ACSS3: variants seen among roughly 807,000 people sequenced by gnomAD.
ACSS3 encodes the protein acyl-CoA synthetase short chain family member 3.
Under a neutral mutation model 84.2 loss-of-function variants are expected in ACSS3, and 64 were observed. The ratio of observed to expected loss-of-function variants is 0.76; its 90% confidence interval spans 0.62 to 0.94. The LOEUF (loss-of-function observed/expected upper bound fraction) is 0.94. Ranked by LOEUF, ACSS3 falls within the 40% of genes least tolerant of loss-of-function variation. The pLI is 0.00. For synonymous variants in ACSS3, 317 were observed against 310.1 expected (o/e 1.02, Z -0.23); for missense variants, 815 against 867.6 (o/e 0.94, Z 0.76).
intron 10 of ACSS3, among the ~76,000 whole-genome samples, chr12:81,218,473 T>A (rs2032998590): frequency 6.6e-6 from 1 of 152,198 alleles, no homozygotes; most frequent in Non-Finnish European, 1.5e-5. Context: ...TACAAAAACG[T>A]GGATCATTTG....
chr12:81,106,034 A>C (rs1882967369), intron 1 of ACSS3, among the ~76,000 whole-genome samples: 1 of 152,208 alleles, frequency 6.6e-6, no homozygotes, highest in South Asian at 2.1e-4. Context: ...AGTGGAAATG[A>C]AACAGAGTAG....
intron 5 of ACSS3, among the ~76,000 whole-genome samples, chr12:81,145,549 CAAAG>C (rs1341110986): frequency 2.0e-5 from 3 of 152,074 alleles, no homozygotes; most frequent in Admixed American, 6.5e-5. Flanking sequence ...ACAATGGAGA[CAAAG>C]AAATTAGTTT....
At chr12:81,162,723 G>A (rs909008159) in intron 7 of ACSS3, among the ~76,000 whole-genome samples, 3 of 152,018 alleles carry the variant, frequency 2.0e-5, no homozygotes, top group Non-Finnish European at 4.4e-5. Context: ...CCATGCTGAG[G>A]GGCACCTGCA....
At chr12:81,244,301 T>A (rs781285728) in intron 13 of ACSS3, among the ~76,000 whole-genome samples, 1 of 152,082 alleles carries the variant, frequency 6.6e-6, no homozygotes, top group Non-Finnish European at 1.5e-5. Context: ...TTTCTTTATC[T>A]TAGATTGTTT....
At chr12:81,234,371 G>A (rs2033562694) in intron 13 of ACSS3, among the ~76,000 whole-genome samples, 1 of 151,226 alleles carries the variant, frequency 6.6e-6, no homozygotes, top group African/African-American at 2.4e-5. Context: ...TCAAATACAG[G>A]TGTTTGTGTA....
rs2034364174 is a variant in ACSS3 at position 81,257,822 on chromosome 12, A to G, written c.*2900A>G. On this transcript the variant is annotated 3_prime_UTR_variant, in exon 16 of 16. Coordinates refer to ENST00000548058, the MANE Select transcript of ACSS3 (RefSeq NM_024560.4). ...TAGAAGTTATCTTTCTTATAAATTA[A>G]AACATATTTTATGCTTCTTTTTTGA... is the stretch of plus-strand genomic sequence containing the variant. 1 of 152,136 alleles carries G rather than the reference A, an allele frequency of 6.6e-6. No homozygotes were observed. The highest frequency in any genetic ancestry group is 2.4e-5 in the African/African-American group (1 of 41,450). The allele number at this position is 152,136 out of a possible 1,614,324, so 9.4% of individuals were successfully genotyped here. A position where few individuals can be genotyped will look rare whatever the true frequency, so the allele number is the denominator to read the frequency against.
At chr12:81,254,161 C>A (rs1220291853) in intron 15 of ACSS3, among the ~76,000 whole-genome samples, 5 of 152,082 alleles carry the variant, frequency 3.3e-5, no homozygotes, top group Non-Finnish European at 7.4e-5. Flanking sequence ...AATTCCTGGG[C>A]TCAAGCGATT....
intron 1 of ACSS3, among the ~76,000 whole-genome samples, chr12:81,092,010 C>T (rs1316693750): frequency 3.3e-5 from 5 of 152,078 alleles, no homozygotes; most frequent in South Asian, 4.1e-4. Context: ...CATTGTGTCA[C>T]GTTTCCTCCC....
chr12:81,174,607 C>T (rs2030333663), intron 7 of ACSS3, 181 bp from the exon 8 acceptor site: 1 of 541,606 alleles, frequency 1.8e-6, no homozygotes, highest in African/African-American at 1.9e-5. Flanking sequence ...AGCAAACAGT[C>T]TCTGTTATGC....
intron 11 of ACSS3, among the ~76,000 whole-genome samples, chr12:81,222,784 A>G (rs1455063754): frequency 6.6e-6 from 1 of 151,970 alleles, no homozygotes; most frequent in Non-Finnish European, 1.5e-5. Context: ...CTAAACTACT[A>G]TAGGTCTTAA....
intron 13 of ACSS3, among the ~76,000 whole-genome samples, chr12:81,243,057 G>A (rs1279408597): frequency 2.0e-5 from 3 of 151,970 alleles, no homozygotes; most frequent in Non-Finnish European, 2.9e-5. Context: ...TAGGAAAAGA[G>A]GAAGTCAAAT....
chr12:81,189,494 C>A (rs1258948215), intron 8 of ACSS3, among the ~76,000 whole-genome samples: 2 of 151,992 alleles, frequency 1.3e-5, no homozygotes, highest in African/African-American at 4.8e-5. Context: ...ATTTTTTGGC[C>A]ATTGGAAGGT....
chr12:81,086,403 T>C (rs1281833411), intron 1 of ACSS3, among the ~76,000 whole-genome samples: 2 of 152,192 alleles, frequency 1.3e-5, no homozygotes, highest in Non-Finnish European at 2.9e-5. Context: ...TTATTTTATA[T>C]TCTGAAGGTC....
At chr12:81,251,152 T>A (rs968006576) in intron 13 of ACSS3, among the ~76,000 whole-genome samples, 12 of 152,154 alleles carry the variant, frequency 7.9e-5, no homozygotes, top group Admixed American at 2.0e-4. Flanking sequence ...ACTGAGTGAT[T>A]CCAATTATAA....
At chr12:81,100,978 T>C (rs1437600689) in intron 1 of ACSS3, among the ~76,000 whole-genome samples, 4 of 152,214 alleles carry the variant, frequency 2.6e-5, no homozygotes, top group Non-Finnish European at 5.9e-5. Flanking sequence ...ACCAAAATCA[T>C]GATAGACAGC....
At chr12:81,195,454 C>T (rs2031780756) in intron 8 of ACSS3, among the ~76,000 whole-genome samples, 1 of 151,928 alleles carries the variant, frequency 6.6e-6, no homozygotes, top group African/African-American at 2.4e-5. Context: ...ATAATTTTTT[C>T]ATTCTGCTAT....
chr12:81,225,902 T>C (rs1477009900), intron 11 of ACSS3, among the ~76,000 whole-genome samples: 1 of 151,904 alleles, frequency 6.6e-6, no homozygotes, highest in East Asian at 1.9e-4. Context: ...TCTGGTGTTT[T>C]CTTCTCTACT....
chr12:81,107,389 A>G (rs915412030), intron 1 of ACSS3, among the ~76,000 whole-genome samples: 5 of 151,208 alleles, frequency 3.3e-5, no homozygotes, highest in African/African-American at 1.2e-4. Flanking sequence ...ATTGATCACA[A>G]AGAATGGTAG....
In ACSS3 at chr12:81,078,277, G is replaced by A. The variant is rs973982422; in HGVS notation, c.157G>A (p.Ala53Thr). The A allele has an allele frequency of 4.3e-6, 7 of 1,611,116 alleles. No homozygotes were observed. The highest frequency in any genetic ancestry group is 1.6e-4 in the Middle Eastern group (1 of 6,084). The change falls in exon 1 of 16, where the codon GCA (alanine) becomes ACA (threonine). Residue 53 changes from alanine to threonine, a missense_variant. Transcript: ENST00000548058. ...CGGTCTCGGGGGCCGGGGATGCAGG[G>A]CACTGTCCTCCGGCAGTGGCAGCGA... ...RGGLGGRGCR[A>T]LSSGSGSEYK...
Sources: gnomAD v4.1 joint callset for allele counts (sites outside exome capture counted in the v4.1 genomes callset) on GRCh38, gnomAD v4.1.1 for gene constraint, MANE v1.5 for transcripts, NCBI Gene and HGNC (gene_info 2026-07-23, HGNC 2026-07-21) for gene names.